The following ECM2 variants were observed in gnomAD, a reference collection of about 807,000 sequenced individuals.
ECM2 encodes the protein extracellular matrix protein 2, female organ and adipocyte specific.
Under a neutral mutation model 67.5 loss-of-function variants are expected in ECM2, and 57 were observed. The ratio of observed to expected loss-of-function variants is 0.84; its 90% CI spans 0.68 to 1.05. The LOEUF (loss-of-function observed/expected upper bound fraction) is 1.05. Among genes scored for constraint, ECM2 ranks in the 50% least tolerant of loss-of-function variants. The pLI is 0.00. For missense variants in ECM2, 741 were observed against 822.8 expected (o/e 0.90, Z 1.22); for synonymous variants, 258 against 294.5 (o/e 0.88, Z 1.27).
At chr9:92,516,257 G>T (rs1363419956) in intron 3 of ECM2, among the ~76,000 whole-genome samples, 3 of 152,040 alleles carry the variant, frequency 2.0e-5, no homozygotes, top group Non-Finnish European at 4.4e-5. Flanking sequence ...TAGAGATGGG[G>T]TTTCACCATG....
chr9:92,494,672 G>A (rs1004119325), downstream of ECM2, among the ~76,000 whole-genome samples: 12 of 152,120 alleles, frequency 7.9e-5, no homozygotes, highest in Non-Finnish European at 1.0e-4. Flanking sequence ...ACTTTGGGAG[G>A]CCGAGGCGGT....
chr9:92,538,402 C>G (rs1016101516), upstream of ECM2, among the ~76,000 whole-genome samples: 3 of 152,156 alleles, frequency 2.0e-5, 1 homozygote, highest in Admixed American at 2.0e-4. Context: ...AAAATATTAA[C>G]AGTAATTACA....
rs150478745 is a variant in ECM2, at chr9:92,510,866, A to G, written c.1171-832T>C. Among the ~76,000 whole-genome samples the G allele has an allele frequency of 3.8e-3, 586 of 152,334 alleles. 4 individuals are homozygous for G. Among genetic ancestry groups the G allele is most frequent in the African/African-American group, 0.013 (548 of 41,580 alleles). ...AGAAGAAGGATGGATAGCATGAAGT[A>G]GATCTAGGGTGTGAATGTAGAACCC... On this transcript the variant is annotated intron_variant, in intron 5 of 9. Coordinates refer to ENST00000344604, the MANE Select transcript of ECM2 (RefSeq NM_001393.4).
chr9:92,540,424 C>T (rs1318706964), upstream of ECM2, among the ~76,000 whole-genome samples: 6 of 137,290 alleles, frequency 4.4e-5, no homozygotes, highest in African/African-American at 1.2e-4. Flanking sequence ...GACGACAGAG[C>T]GAGACTGTCT....
At chr9:92,500,636 A>T in intron 9 of ECM2, 91 bp downstream of exon 9, 1 of 1,323,952 alleles carries the variant, frequency 7.6e-7, no homozygotes, top group African/African-American at 1.5e-5. Flanking sequence ...TTTTTCCCTT[A>T]ACGTAAATCC....
At position 92,521,547 on chromosome 9, in the gene ECM2, A is replaced by G. The variant is rs1297806809; in HGVS notation, c.292+1028T>C. Among the ~76,000 whole-genome samples the G allele has an allele frequency of 2.0e-5, 3 of 152,232 alleles. No homozygotes were observed. The East Asian group carries it at 5.8e-4, about 29-fold the overall frequency. Reference sequence around the variant, plus strand: ...AGACAATATATGAAATACTGGCCACAGAACATTATATGGTGATATTTTCTG... The same window carrying G: ...AGACAATATATGAAATACTGGCCACGGAACATTATATGGTGATATTTTCTG... On this transcript the variant is annotated intron_variant, in intron 2 of 9. Coordinates refer to ENST00000344604, the MANE Select transcript of ECM2 (RefSeq NM_001393.4).
the ECM2 span, among the ~76,000 whole-genome samples, chr9:92,558,474 G>T: frequency 6.6e-6 from 1 of 152,192 alleles, no homozygotes; most frequent in African/African-American, 2.4e-5. Flanking sequence ...TGTCTGTACA[G>T]AGTCTTGTGA....
At chr9:92,544,787 C>T in the ECM2 span, among the ~76,000 whole-genome samples, 2 of 149,408 alleles carry the variant, frequency 1.3e-5, no homozygotes, top group East Asian at 4.0e-4. Context: ...GCGATCTCAG[C>T]TCACTGCAAC....
chr9:92,506,968 C>G (rs536628922), intron 6 of ECM2, among the ~76,000 whole-genome samples: 32 of 152,110 alleles, frequency 2.1e-4, no homozygotes, highest in African/African-American at 7.7e-4. Context: ...AGTGCAATAG[C>G]GTGGTCTTGG....
At chr9:92,516,075 C>T (rs185219551) in intron 3 of ECM2, among the ~76,000 whole-genome samples, 1 of 149,546 alleles carries the variant, frequency 6.7e-6, no homozygotes, top group Non-Finnish European at 1.5e-5. Context: ...TTTTTTTTCC[C>T]CCCCCCGAGA....
At chr9:92,531,816 G>A (rs1848771785) in intron 1 of ECM2, among the ~76,000 whole-genome samples, 1 of 151,922 alleles carries the variant, frequency 6.6e-6, no homozygotes, top group Non-Finnish European at 1.5e-5. Flanking sequence ...CTTTTGTGCA[G>A]ATGTGTTGAT....
At position 92,514,683 on chromosome 9, in the gene ECM2, A is replaced by G. The variant is rs1229015737; in HGVS notation, c.1002T>C (p.Leu334=). The part of the protein sequence containing the change: ...YRTISCINAM[L]TQIPPLTAPQ... ...GTGCTGTCAGCGGTGGTATCTGGGT[A>G]AGCATGGCGTTGATGCAGCTGATGG... The change falls in exon 4 of 10, where the codon CTT becomes CTC. Residue 334 remains leucine (L), a synonymous_variant. Transcript: ENST00000344604. 6.2e-7 allele frequency: 1 copy of G among 1,609,914 alleles called. No homozygotes were observed. The highest frequency in any genetic ancestry group is 8.5e-7 in the Non-Finnish European group (1 of 1,177,158).
At chr9:92,521,393 T>A (rs1201997649) in intron 2 of ECM2, among the ~76,000 whole-genome samples, 1 of 152,226 alleles carries the variant, frequency 6.6e-6, no homozygotes, top group East Asian at 1.9e-4. Flanking sequence ...GTTTTTAAGT[T>A]GATTTCTCTT....
At chr9:92,533,118 G>C (rs1384043840) in intron 1 of ECM2, among the ~76,000 whole-genome samples, 1 of 150,730 alleles carries the variant, frequency 6.6e-6, no homozygotes, top group Non-Finnish European at 1.5e-5. Flanking sequence ...CCAATATGGT[G>C]AAACCCCGTC....
the ECM2 span, among the ~76,000 whole-genome samples, chr9:92,544,909 C>T: frequency 6.6e-6 from 1 of 151,960 alleles, no homozygotes; most frequent in Non-Finnish European, 1.5e-5. Context: ...TTAGTGGAGA[C>T]GTGGTTTCAC....
At chr9:92,493,902 C>T (rs1564351568), downstream of ECM2, 3 of 442,084 alleles carry the variant, frequency 6.8e-6, no homozygotes, top group Non-Finnish European at 1.2e-5. Context: ...ACACAGCAAG[C>T]CCACAGTGCG....
chr9:92,504,479 CG>C (rs1389725622), intron 7 of ECM2, among the ~76,000 whole-genome samples: 1 of 152,142 alleles, frequency 6.6e-6, no homozygotes, highest in Non-Finnish European at 1.5e-5. Context: ...TGGGTTCCCA[CG>C]GGGTCTGCCA....
rs1046263742 is a variant in ECM2 at position 92,517,729 on chromosome 9, CTGTT to C, written c.435_438del (p.Thr146LeufsTer23). On this transcript the variant is annotated frameshift_variant, in exon 3 of 10. Coordinates refer to ENST00000344604, the MANE Select transcript of ECM2 (RefSeq NM_001393.4). LOFTEE classifies it high-confidence loss of function. ...GGGCAGCATTCCCCTTCAGGTATAA[CTGTT>C]TGGGGGCACCTCTGGGGATGGCACA... 1.2e-6 allele frequency: 2 copies of C among 1,614,172 alleles called. No individual in the cohort carries two copies. Among genetic ancestry groups the C allele is most frequent in the Non-Finnish European group, 1.7e-6 (2 of 1,180,038 alleles).
intron 2 of ECM2, among the ~76,000 whole-genome samples, chr9:92,518,605 G>A (rs1847874804): frequency 6.6e-6 from 1 of 152,124 alleles, no homozygotes; most frequent in Non-Finnish European, 1.5e-5. Flanking sequence ...CTTTTGAAGT[G>A]TATAATACTG....
Sources: allele counts gnomAD v4.1 joint callset (sites outside exome capture counted in the v4.1 genomes callset), GRCh38; gene constraint gnomAD v4.1.1; transcripts MANE v1.5; gene names NCBI Gene and HGNC (gene_info 2026-07-23, HGNC 2026-07-21).